The following PDE1C variants were observed in gnomAD, a reference collection of about 807,000 sequenced individuals.
PDE1C encodes the protein dual specificity calcium/calmodulin-dependent 3',5'-cyclic nucleotide phosphodiesterase 1C.
In PDE1C, 62 loss-of-function variants were observed where a neutral mutation model predicts 93.1. The ratio of observed to expected loss-of-function variants is 0.67; its 90% CI spans 0.54 to 0.82. PDE1C has a LOEUF of 0.82. PDE1C is among the 40% of genes least tolerant of loss of function. The pLI, the probability that PDE1C is intolerant of heterozygous loss-of-function variation, is 0.00. For synonymous variants in PDE1C, 325 were observed against 310.1 expected, an observed-to-expected ratio of 1.05 and a Z score of -0.50; for missense variants, 742 against 884.6, an observed-to-expected ratio of 0.84 and a Z score of 2.04.
chr7:32,405,908 T>C (rs1431168521), intron 1 of PDE1C, among the ~76,000 whole-genome samples: 1 of 152,220 alleles, frequency 6.6e-6, no homozygotes, highest in Non-Finnish European at 1.5e-5. Context: ...CCTATTAGTG[T>C]AGCTGTGTAT....
chr7:31,863,413 C>T (rs904548213), intron 7 of PDE1C, among the ~76,000 whole-genome samples: 4 of 152,084 alleles, frequency 2.6e-5, no homozygotes, highest in Admixed American at 2.6e-4. Flanking sequence ...ATACTGCATT[C>T]TTGAGGCTGA....
intron 1 of PDE1C, among the ~76,000 whole-genome samples, chr7:32,306,500 G>A (rs1813006536): frequency 6.6e-6 from 1 of 152,090 alleles, no homozygotes; most frequent in African/African-American, 2.4e-5. Flanking sequence ...CCCCACCTTA[G>A]TCCAGGCTCC....
chr7:31,642,383 C>A, the PDE1C span: 5 of 719,614 alleles, frequency 6.9e-6, no homozygotes, highest in South Asian at 9.6e-5. Context: ...TAAATCAAGC[C>A]ACAATTGGAA....
At chr7:32,253,443 C>T (rs1352142662) in intron 1 of PDE1C, among the ~76,000 whole-genome samples, 1 of 152,172 alleles carries the variant, frequency 6.6e-6, no homozygotes, top group Non-Finnish European at 1.5e-5. Context: ...ATACAGCTGC[C>T]ATTCTTCAAG....
intron 1 of PDE1C, among the ~76,000 whole-genome samples, chr7:32,329,134 A>G (rs1783463072): frequency 6.6e-6 from 1 of 152,162 alleles, no homozygotes; most frequent in Non-Finnish European, 1.5e-5. Context: ...CAGGAGGCTA[A>G]GGTGGGAGGA....
At chr7:31,845,635 C>A (rs972151237) in intron 9 of PDE1C, among the ~76,000 whole-genome samples, 1 of 151,854 alleles carries the variant, frequency 6.6e-6, no homozygotes, top group Non-Finnish European at 1.5e-5. Flanking sequence ...CCTGCACTTT[C>A]TGCACACGTA....
rs373158517 is a variant in PDE1C, at chr7:32,360,746, A to T, written c.310+67076T>A. ...CAGATTATGAGGCTGGTCTTGAGGAAATCCTTTAGGAGATAGAAAGAAAAG... is the reference window on the plus strand; with the variant it reads ...CAGATTATGAGGCTGGTCTTGAGGATATCCTTTAGGAGATAGAAAGAAAAG... On this transcript the variant is annotated intron_variant, in intron 1 of 1. Coordinates refer to the PDE1C transcript ENST00000672256. 5.9e-5 allele frequency among the ~76,000 whole-genome samples: 9 copies of T among 152,362 alleles called. 2 individuals are homozygous for T. The highest frequency in any genetic ancestry group is 1.9e-4 in the East Asian group (1 of 5,192).
chr7:31,828,882 C>T (rs1790033121), intron 11 of PDE1C, among the ~76,000 whole-genome samples: 1 of 152,086 alleles, frequency 6.6e-6, no homozygotes, highest in African/African-American at 2.4e-5. Context: ...CCTCAGAGAC[C>T]AGTCCATAAT....
At chr7:31,693,324 C>G in the PDE1C span, among the ~76,000 whole-genome samples, 4 of 152,194 alleles carry the variant, frequency 2.6e-5, no homozygotes, top group African/African-American at 4.8e-5. Context: ...GCAGGCAGTA[C>G]CCATTCAGAG....
chr7:32,229,352 C>A (rs1807522693), intron 1 of PDE1C, among the ~76,000 whole-genome samples: 1 of 152,156 alleles, frequency 6.6e-6, no homozygotes, highest in Non-Finnish European at 1.5e-5. Flanking sequence ...CTTGTCACAT[C>A]ATAGTCAACA....
At chr7:32,133,318 T>C (rs544748321) in intron 3 of PDE1C, among the ~76,000 whole-genome samples, 23 of 152,252 alleles carry the variant, frequency 1.5e-4, no homozygotes, top group East Asian at 3.9e-4. Context: ...GGAGACTAGA[T>C]AAAGGCAGGA....
chr7:31,738,336 T>C, the PDE1C span, among the ~76,000 whole-genome samples: 1 of 152,056 alleles, frequency 6.6e-6, no homozygotes, highest in East Asian at 1.9e-4. Context: ...CTCACAATCA[T>C]GGCGGTAGGT....
At chr7:31,772,151 A>AG (rs1484503259) in intron 17 of PDE1C, among the ~76,000 whole-genome samples, 2 of 152,014 alleles carry the variant, frequency 1.3e-5, no homozygotes, top group Non-Finnish European at 2.9e-5. Flanking sequence ...CTTCCACTTC[A>AG]GAGCCTTATA....
chr7:32,400,592 A>G (rs1562707831), intron 1 of PDE1C, among the ~76,000 whole-genome samples: 1 of 152,212 alleles, frequency 6.6e-6, no homozygotes, highest in Non-Finnish European at 1.5e-5. Flanking sequence ...TGCCATGGAA[A>G]GTTTTCTTTT....
At chr7:32,171,311 G>A (rs73104533) in intron 2 of PDE1C, among the ~76,000 whole-genome samples, 18,114 of 151,604 alleles carry the variant, frequency 0.12, 1,217 homozygotes, top group Middle Eastern at 0.18. Flanking sequence ...CACCTGACCC[G>A]TGCTCTTCAA....
upstream of PDE1C, chr7:32,070,446 C>A (rs188775567): frequency 4.2e-4 from 677 of 1,599,026 alleles, 5 homozygotes; most frequent in African/African-American, 7.5e-3. Context: ...TGGGCTGTCC[C>A]CTCCCCGTCT....
At chr7:31,703,938 C>T in the PDE1C span, among the ~76,000 whole-genome samples, 5 of 152,312 alleles carry the variant, frequency 3.3e-5, no homozygotes, top group Admixed American at 3.3e-4. Flanking sequence ...CCTACAGTTG[C>T]CAGGGGCCCT....
At chr7:31,921,453 C>T (rs1802611114) in intron 2 of PDE1C, among the ~76,000 whole-genome samples, 1 of 152,132 alleles carries the variant, frequency 6.6e-6, no homozygotes, top group South Asian at 2.1e-4. Context: ...TTCCAGGATG[C>T]GGCAGGGGGA....
At chr7:31,895,444 G>A (rs1799163331) in intron 2 of PDE1C, among the ~76,000 whole-genome samples, 1 of 152,156 alleles carries the variant, frequency 6.6e-6, no homozygotes, top group Admixed American at 6.5e-5. Flanking sequence ...TGCTGTCTTG[G>A]AGAGTAACAG....
Sources: gnomAD v4.1 joint callset for allele counts (sites outside exome capture counted in the v4.1 genomes callset) on GRCh38, gnomAD v4.1.1 for gene constraint, MANE v1.5 for transcripts, NCBI Gene and HGNC (gene_info 2026-07-23, HGNC 2026-07-21) for gene names.